The following MAPK6 variants were observed in gnomAD, a reference collection of about 807,000 sequenced individuals.
MAPK6 encodes the protein mitogen-activated protein kinase 6.
Under a neutral mutation model 59.3 loss-of-function variants are expected in MAPK6, and 19 were observed. The ratio of observed to expected loss-of-function variants is 0.32; its 90% CI spans 0.22 to 0.47. The LOEUF (loss-of-function observed/expected upper bound fraction) is 0.47, where lower values mean the gene tolerates loss of function less well. MAPK6 is among the 20% of genes least tolerant of loss of function. MAPK6 has a pLI of 1.00. For synonymous variants in MAPK6, 316 were observed against 290.3 expected, an observed-to-expected ratio of 1.09 and a Z score of -0.90; for missense variants, 724 against 847.9, an observed-to-expected ratio of 0.85 and a Z score of 1.81.
intron 2 of MAPK6, among the ~76,000 whole-genome samples, chr15:51,991,148 T>TATACAC (rs1222826559): frequency 8.1e-4 from 114 of 140,724 alleles, no homozygotes; most frequent in Middle Eastern, 7.1e-3. Context: ...TATATATATA[T>TATACAC]ACACACACAC....
chr15:52,015,059 G>A (rs1457644730), upstream of MAPK6, among the ~76,000 whole-genome samples: 1 of 152,178 alleles, frequency 6.6e-6, no homozygotes, highest in African/African-American at 2.4e-5. Flanking sequence ...GGAGTGCAAT[G>A]GTGTGATCTC....
chr15:51,984,613 A>G (rs1276629828), intron 2 of MAPK6, among the ~76,000 whole-genome samples: 1 of 151,922 alleles, frequency 6.6e-6, no homozygotes, highest in Non-Finnish European at 1.5e-5. Flanking sequence ...AGAAACAAAT[A>G]TTTAAATATG....
At chr15:51,989,047 T>C (rs534255478) in intron 2 of MAPK6, among the ~76,000 whole-genome samples, 19 of 151,614 alleles carry the variant, frequency 1.3e-4, no homozygotes, top group Non-Finnish European at 1.9e-4. Context: ...CACCAAATAA[T>C]ACAGGATAAT....
In MAPK6 at chr15:52,046,414, T is replaced by G; in HGVS notation, c.-47T>G. 7.1e-7 allele frequency: 1 copy of G among 1,414,084 alleles called. No homozygotes were observed. Among genetic ancestry groups the G allele is most frequent in the Non-Finnish European group, 9.6e-7 (1 of 1,037,880 alleles). 87.6% of individuals were successfully genotyped at this position (1,414,084 alleles called of 1,614,324 possible). A position where few individuals can be genotyped will look rare whatever the true frequency, so the allele number is the denominator to read the frequency against. On this transcript the variant is annotated 5_prime_UTR_variant, in exon 2 of 6. Transcript: ENST00000261845. ...TTTGATGCCAGTTTTCTTCCTTGTT[T>G]ACACAAGTTCAATTTGAAAGGAAAA...
At chr15:52,055,284 G>A (rs1294758488) in intron 3 of MAPK6, among the ~76,000 whole-genome samples, 1 of 152,196 alleles carries the variant, frequency 6.6e-6, no homozygotes, top group African/African-American at 2.4e-5. Flanking sequence ...GCACACACCT[G>A]TGGTCCCAGC....
chr15:52,039,259 G>A (rs952595276), intron 1 of MAPK6, among the ~76,000 whole-genome samples: 2 of 152,156 alleles, frequency 1.3e-5, no homozygotes, highest in African/African-American at 4.8e-5. Flanking sequence ...GCCTCCCAAA[G>A]TGCATGAGCC....
intron 2 of MAPK6, among the ~76,000 whole-genome samples, chr15:51,984,686 C>CGGG (rs530163343): frequency 2.0e-5 from 3 of 151,430 alleles, no homozygotes; most frequent in African/African-American, 4.9e-5. Flanking sequence ...ACCAGTTCTC[C>CGGG]GGGGGGGAAG....
chr15:52,002,822 G>A (rs1005712454), intron 2 of MAPK6, among the ~76,000 whole-genome samples: 5 of 152,156 alleles, frequency 3.3e-5, no homozygotes, highest in African/African-American at 9.7e-5. Flanking sequence ...GAGGAAGCAA[G>A]CACATCTTAG....
chr15:52,029,507 G>C (rs59112380), intron 1 of MAPK6, among the ~76,000 whole-genome samples: 1 of 151,926 alleles, frequency 6.6e-6, no homozygotes, highest in Non-Finnish European at 1.5e-5. Flanking sequence ...TTCTGGTTTA[G>C]ACTTCTTGCC....
intron 1 of MAPK6, among the ~76,000 whole-genome samples, chr15:52,037,363 C>T (rs1204470837): frequency 6.6e-6 from 1 of 152,186 alleles, no homozygotes; most frequent in African/African-American, 2.4e-5. Flanking sequence ...AAAACAACAG[C>T]AGTCACGTTT....
intron 3 of MAPK6, among the ~76,000 whole-genome samples, chr15:52,006,468 T>G (rs1014509827): frequency 6.6e-6 from 1 of 152,184 alleles, no homozygotes; most frequent in South Asian, 2.1e-4. Flanking sequence ...TCAACTAACA[T>G]TTTTTTGAGA....
rs1328701569 is a variant in MAPK6 at position 52,066,095 on chromosome 15, G to A, written c.*1095G>A. On this transcript the variant is annotated 3_prime_UTR_variant, in exon 6 of 6. Coordinates refer to ENST00000261845, the MANE Select transcript of MAPK6 (RefSeq NM_002748.4). Reference sequence around the variant, plus strand: ...TTTTTACTGTATGTTTTTACTGAATGATCTATTCCCCATCCCAAGGCAAGC... The same window carrying A: ...TTTTTACTGTATGTTTTTACTGAATAATCTATTCCCCATCCCAAGGCAAGC... The A allele has an allele frequency of 6.6e-6, 1 of 152,602 alleles. No individual in the cohort carries two copies. Among genetic ancestry groups the A allele is most frequent in the Admixed American group, 6.5e-5 (1 of 15,282 alleles). The allele number at this position is 152,602 out of a possible 1,614,324, so 9.5% of individuals were successfully genotyped here.
intron 2 of MAPK6, among the ~76,000 whole-genome samples, chr15:52,049,191 G>A (rs564773401): frequency 2.6e-5 from 4 of 152,030 alleles, no homozygotes; most frequent in Non-Finnish European, 5.9e-5. Flanking sequence ...TTATAGTAGA[G>A]GTCATTAAGG....
chr15:51,975,999 G>A (rs2057156143), intron 1 of MAPK6, among the ~76,000 whole-genome samples: 1 of 151,772 alleles, frequency 6.6e-6, no homozygotes, highest in Non-Finnish European at 1.5e-5. Flanking sequence ...GGACACGGTG[G>A]CTCACGCCTG....
At chr15:51,972,637 C>G (rs999147682) in intron 1 of MAPK6, among the ~76,000 whole-genome samples, 4 of 139,030 alleles carry the variant, frequency 2.9e-5, no homozygotes, top group Admixed American at 7.4e-5. Context: ...TCCTGGCTAA[C>G]ACGGTGAAAC....
At chr15:51,982,319 A>G (rs985936412) in intron 1 of MAPK6, among the ~76,000 whole-genome samples, 1 of 152,238 alleles carries the variant, frequency 6.6e-6, no homozygotes, top group Non-Finnish European at 1.5e-5. Context: ...TCTGGCCCTC[A>G]GTATATTTCA....
intron 2 of MAPK6, among the ~76,000 whole-genome samples, chr15:52,001,655 C>T (rs778749195): frequency 1.3e-5 from 2 of 151,866 alleles, no homozygotes; most frequent in Non-Finnish European, 2.9e-5. Context: ...ACTACAGGCA[C>T]GAGTCACCAC....
chr15:51,978,400 C>A (rs762272081), intron 1 of MAPK6, among the ~76,000 whole-genome samples: 2 of 151,946 alleles, frequency 1.3e-5, no homozygotes, highest in Non-Finnish European at 2.9e-5. Context: ...TCCCAGTATG[C>A]TGGGATTCCA....
At chr15:52,006,230 A>G (rs1390202323) in intron 3 of MAPK6, among the ~76,000 whole-genome samples, 1 of 152,202 alleles carries the variant, frequency 6.6e-6, no homozygotes, top group Non-Finnish European at 1.5e-5. Flanking sequence ...CAGAACTGAA[A>G]GCATTATTTT....
Sources: gnomAD v4.1 joint callset for allele counts (sites outside exome capture counted in the v4.1 genomes callset) on GRCh38, gnomAD v4.1.1 for gene constraint, MANE v1.5 for transcripts, NCBI Gene and HGNC (gene_info 2026-07-23, HGNC 2026-07-21) for gene names.